Variants in TMPRSS9 observed in about 807,000 individuals in gnomAD.
TMPRSS9 encodes the protein transmembrane protease serine 9.
TMPRSS9 carries 113 observed loss-of-function variants against 111.4 expected under a neutral mutation model. That is an observed-to-expected ratio of 1.01 (90% confidence interval 0.87 to 1.19). TMPRSS9 has a LOEUF of 1.19. TMPRSS9 is among the 50% of genes most tolerant of loss of function. The pLI is 0.00. For synonymous variants in TMPRSS9, 805 were observed against 659.1 expected (o/e 1.22, Z -3.39); for missense variants, 1,803 against 1,513.1 (o/e 1.19, Z -3.18).
At chr19:2,396,832 G>A (rs903003608) in intron 2 of TMPRSS9, among the ~76,000 whole-genome samples, 166 bp downstream of exon 3, 2 of 152,216 alleles carry the variant, frequency 1.3e-5, no homozygotes, top group Admixed American at 1.3e-4. Context: ...GACGAGGCCA[G>A]GTGGCCAAGG....
chr19:2,384,167 A>C (rs935074303), intron 1 of TMPRSS9, among the ~76,000 whole-genome samples: 1 of 152,106 alleles, frequency 6.6e-6, no homozygotes, highest in Non-Finnish European at 1.5e-5. Context: ...TCTAATGGGG[A>C]AAAGTGTGTT....
intron 1 of TMPRSS9, among the ~76,000 whole-genome samples, chr19:2,390,959 G>A (rs1970575860): frequency 6.6e-6 from 1 of 150,626 alleles, no homozygotes; most frequent in Non-Finnish European, 1.5e-5. Context: ...ATGAGGTCAG[G>A]AGTTCGAGAC....
rs979435695 is a variant in TMPRSS9, at chr19:2,404,216, T to C, written c.670+1021T>C. On this transcript the variant is annotated intron_variant, in intron 6 of 17. Transcript: ENST00000648592. ...AGAGTAGCCAATGTTTCTATAAAAA[T>C]ACTAGCCCATGCAATAAGGTAAGGA... 3.3e-5 allele frequency among the ~76,000 whole-genome samples: 5 copies of C among 152,160 alleles called. No homozygotes were observed. The East Asian group carries it at 9.7e-4, about 29-fold the overall frequency.
intron 2 of TMPRSS9, 50 bp downstream of exon 3, chr19:2,396,716 G>C: frequency 1.9e-6 from 3 of 1,564,330 alleles, no homozygotes; most frequent in Non-Finnish European, 2.6e-6. Flanking sequence ...GGGTGGCCGG[G>C]GGCTTTGACC....
At chr19:2,365,625 A>C (rs936981747) in intron 1 of TMPRSS9, among the ~76,000 whole-genome samples, 2 of 151,962 alleles carry the variant, frequency 1.3e-5, no homozygotes, top group African/African-American at 2.4e-5. Flanking sequence ...AACAAACAAA[A>C]AAAACAAAAA....
intron 4 of TMPRSS9, among the ~76,000 whole-genome samples, chr19:2,401,190 C>T (rs754534760): frequency 4.6e-5 from 7 of 151,986 alleles, no homozygotes; most frequent in African/African-American, 9.7e-5. Flanking sequence ...AGGAGAATAG[C>T]GTGAACCCGG....
Position 2,425,100 on chromosome 19 carries a change from C to G in TMPRSS9, c.2816C>G (p.Pro939Arg), listed in dbSNP as rs766474520. The G allele has an allele frequency of 6.3e-6, 10 of 1,583,610 alleles. No individual in the cohort carries two copies. In the Admixed American group the frequency reaches 1.0e-4, roughly 16 times the overall value. ...CGCGTGGCGCGCATCTACAAGCACC[C>G]GTTCTACAATCTCTACACGCTCGAC... Residue 939 changes from proline to arginine, a missense_variant, in exon 16 of 18, where the codon CCG (proline) becomes CGG (arginine). Pro to Arg is a moderately radical substitution (Grantham distance 103). Coordinates refer to ENST00000648592, the Ensembl canonical transcript of TMPRSS9.
chr19:2,373,196 C>A (rs1970303993), intron 1 of TMPRSS9, among the ~76,000 whole-genome samples: 1 of 151,978 alleles, frequency 6.6e-6, no homozygotes, highest in South Asian at 2.1e-4. Context: ...CAGGATGAAT[C>A]CAGCCTTCAG....
rs549297570 is a variant in TMPRSS9, at chr19:2,416,596, G to A, written c.1804G>A (p.Gly602Arg). ...CACTGCGTCCCTCCTGGGCCTGGGC[G>A]GGAGCCCGGTGAAGATCGGGCTGCG... is the stretch of plus-strand genomic sequence containing the variant. The change falls in exon 12 of 18, where the codon GGG becomes AGG. Residue 602 changes from glycine to arginine, a missense_variant. Physicochemically the swap from Gly to Arg is moderately radical, Grantham distance 125 (BLOSUM62 -2). Transcript: ENST00000648592. 1.9e-5 allele frequency: 30 copies of A among 1,612,292 alleles called. No homozygotes were observed. The highest frequency in any genetic ancestry group is 3.3e-5 in the South Asian group (3 of 91,078).
chr19:2,414,207 A>G, intron 10 of TMPRSS9, 189 bp downstream of exon 11: 2 of 587,488 alleles, frequency 3.4e-6, no homozygotes, highest in South Asian at 3.2e-5. Context: ...GGTCTTGCCC[A>G]TGTCTTGTTA....
chr19:2,420,184 T>C (rs1046534721), intron 13 of TMPRSS9, among the ~76,000 whole-genome samples: 1 of 151,468 alleles, frequency 6.6e-6, no homozygotes, highest in African/African-American at 2.4e-5. Flanking sequence ...GCGGGTGCAG[T>C]GGCATGCATT....
chr19:2,391,739 T>C (rs529821136), intron 1 of TMPRSS9, among the ~76,000 whole-genome samples: 19 of 97,552 alleles, frequency 1.9e-4, no homozygotes, highest in Non-Finnish European at 3.8e-4. Flanking sequence ...GGAAAGGAAG[T>C]CTTTTTTTTT....
At chr19:2,378,349 C>G (rs1363373849) in intron 1 of TMPRSS9, among the ~76,000 whole-genome samples, 2 of 152,138 alleles carry the variant, frequency 1.3e-5, no homozygotes, top group Admixed American at 1.3e-4. Context: ...CAGGGACAGT[C>G]CTGGGCAAAC....
chr19:2,410,992 G>T (rs967392027), intron 9 of TMPRSS9, among the ~76,000 whole-genome samples: 6 of 152,174 alleles, frequency 3.9e-5, no homozygotes, highest in African/African-American at 1.4e-4. Context: ...TGAGTGAGCT[G>T]CAGGCTCAAC....
At chr19:2,410,263 A>G in exon 9 of TMPRSS9, 1 of 1,613,810 alleles carries the variant, frequency 6.2e-7, no homozygotes, top group Non-Finnish European at 8.5e-7. Flanking sequence ...GCCAGTGGTC[A>G]AGCCAGAGGT....
chr19:2,403,227 C>A, intron 6 of TMPRSS9, 32 bp downstream of exon 7: 7 of 1,550,734 alleles, frequency 4.5e-6, no homozygotes, highest in Non-Finnish European at 6.2e-6. Context: ...GGTCTCTGGG[C>A]CCCTTCCCTT....
At chr19:2,408,997 A>AATAATG (rs1971035723) in intron 8 of TMPRSS9, among the ~76,000 whole-genome samples, 1 of 127,904 alleles carries the variant, frequency 7.8e-6, no homozygotes, top group South Asian at 2.6e-4. Context: ...TCAAAATAAT[A>AATAATG]ATAATAATAA....
intron 7 of TMPRSS9, among the ~76,000 whole-genome samples, chr19:2,405,886 C>T (rs1251284231): frequency 2.1e-5 from 3 of 145,054 alleles, no homozygotes; most frequent in Non-Finnish European, 3.0e-5. Context: ...TTAGTAGAGA[C>T]GGGGTTTCAC....
chr19:2,423,803 G>A (rs1274121088), intron 14 of TMPRSS9, among the ~76,000 whole-genome samples: 3 of 152,016 alleles, frequency 2.0e-5, no homozygotes, highest in South Asian at 2.1e-4. Context: ...CCTGGAAGAC[G>A]GAGATGTGGG....
Sources: allele counts gnomAD v4.1 joint callset (sites outside exome capture counted in the v4.1 genomes callset), GRCh38; gene constraint gnomAD v4.1.1; transcripts MANE v1.5; gene names NCBI Gene and HGNC (gene_info 2026-07-23, HGNC 2026-07-21).